The following PJA2 variants were observed in gnomAD, a reference collection of about 807,000 sequenced individuals.
The protein encoded by PJA2 is praja ring finger ubiquitin ligase 2, also known as E3 ubiquitin-protein ligase Praja-2.
A neutral mutation model predicts 69.3 loss-of-function variants in PJA2; 25 were observed. That is an observed-to-expected ratio of 0.36 (90% CI 0.26 to 0.50). The LOEUF (loss-of-function observed/expected upper bound fraction) is 0.50, where lower values mean the gene tolerates loss of function less well. Ranked by LOEUF, PJA2 falls within the 20% of genes least tolerant of loss-of-function variation. The pLI is 0.96. For synonymous variants in PJA2, 308 were observed against 277.8 expected (o/e 1.11, Z -1.08); for missense variants, 809 against 830.2 (o/e 0.97, Z 0.31).
intron 7 of PJA2, among the ~76,000 whole-genome samples, chr5:109,351,215 T>C (rs1762245262): frequency 6.6e-6 from 1 of 151,932 alleles, no homozygotes; most frequent in East Asian, 1.9e-4. Flanking sequence ...AATGCCATAA[T>C]AAACTCCTTC....
chr5:109,356,079 C>G, intron 6 of PJA2, 53 bp from the exon 7 acceptor site: 1 of 1,211,624 alleles, frequency 8.3e-7, no homozygotes, highest in Non-Finnish European at 1.2e-6. Flanking sequence ...TTTGGGAAAT[C>G]TTATGCTGAG....
chr5:109,342,584 C>T, intron 9 of PJA2, among the ~76,000 whole-genome samples: 1 of 97,450 alleles, frequency 1.0e-5, no homozygotes, highest in African/African-American at 4.4e-5. Context: ...GGCGCCTCTG[C>T]CCGGCCGCCC....
intron 1 of PJA2, among the ~76,000 whole-genome samples, chr5:109,402,763 A>G (rs1206758817): frequency 6.6e-6 from 1 of 152,170 alleles, no homozygotes; most frequent in Admixed American, 6.5e-5. Flanking sequence ...TGGTCATAAA[A>G]CAAATATCAA....
At position 109,340,698 on chromosome 5, in the gene PJA2, G is replaced by A. The variant is rs1370350099; in HGVS notation, c.2002-3342C>T. Among the ~76,000 whole-genome samples the A allele has an allele frequency of 6.1e-5, 3 of 48,884 alleles. 1 individual carries two copies. Among genetic ancestry groups the A allele is most frequent in the Non-Finnish European group, 1.4e-4 (3 of 22,100 alleles). The allele number at this position is 48,884 out of a possible 152,430, so 32.1% of individuals were successfully genotyped here. A position where few individuals can be genotyped will look rare whatever the true frequency, so the allele number is the denominator to read the frequency against. ...TCTCCCCACGGTCTCCCTCTCATGCGGAGCCGCAGCTGGACTGTACTGCTG... is the reference window on the plus strand; with the variant it reads ...TCTCCCCACGGTCTCCCTCTCATGCAGAGCCGCAGCTGGACTGTACTGCTG... On this transcript the variant is annotated intron_variant, in intron 9 of 9. Coordinates refer to ENST00000361189, the MANE Select transcript of PJA2 (RefSeq NM_014819.5).
chr5:109,360,366 A>G (rs1419548399), intron 6 of PJA2, among the ~76,000 whole-genome samples: 1 of 152,208 alleles, frequency 6.6e-6, no homozygotes, highest in Non-Finnish European at 1.5e-5. Context: ...CTTCAATGAA[A>G]ACAAGTAAAC....
chr5:109,387,936 T>G (rs1313218457), intron 1 of PJA2, among the ~76,000 whole-genome samples: 10 of 152,188 alleles, frequency 6.6e-5, no homozygotes, highest in Non-Finnish European at 1.3e-4. Context: ...CTGTGCTCCT[T>G]TCTCTGATGG....
chr5:109,346,175 ATTAC>A (rs1561341703), intron 7 of PJA2, among the ~76,000 whole-genome samples: 1 of 152,196 alleles, frequency 6.6e-6, no homozygotes, highest in Non-Finnish European at 1.5e-5. Flanking sequence ...CCGTTTAATT[ATTAC>A]TTGTTAGTAT....
At chr5:109,371,211 T>A (rs1037561575) in intron 4 of PJA2, among the ~76,000 whole-genome samples, 1 of 152,202 alleles carries the variant, frequency 6.6e-6, no homozygotes, top group African/African-American at 2.4e-5. Flanking sequence ...TAACCCTCAA[T>A]GCTAAGGAGA....
chr5:109,385,088 T>A (rs1747127789), intron 1 of PJA2, among the ~76,000 whole-genome samples: 1 of 152,224 alleles, frequency 6.6e-6, no homozygotes, highest in South Asian at 2.1e-4. Flanking sequence ...GTGCTGGGAT[T>A]ACAGGCATGA....
chr5:109,400,689 G>A (rs1747523179), intron 1 of PJA2, among the ~76,000 whole-genome samples: 1 of 151,968 alleles, frequency 6.6e-6, no homozygotes, highest in African/African-American at 2.4e-5. Context: ...TATAAAAAAC[G>A]AATGATATGG....
intron 1 of PJA2, among the ~76,000 whole-genome samples, chr5:109,400,489 G>C (rs1484066604): frequency 4.0e-4 from 60 of 150,170 alleles, no homozygotes; most frequent in East Asian, 6.0e-4. Flanking sequence ...CAGGGGGAGG[G>C]GGGGGAAGGG....
chr5:109,354,390 C>CTAGAGATATCTATAGATTAGATGTCTA (rs1762364539), intron 7 of PJA2, among the ~76,000 whole-genome samples: 1 of 74,898 alleles, frequency 1.3e-5, no homozygotes, highest in Non-Finnish European at 2.6e-5. Flanking sequence ...TTAGATATCT[C>CTAGAGATATCTATAGATTAGATGTCTA]TGATATCTAG....
At chr5:109,360,799 A>C (rs561266313) in intron 6 of PJA2, among the ~76,000 whole-genome samples, 1 of 152,350 alleles carries the variant, frequency 6.6e-6, no homozygotes, top group South Asian at 2.1e-4. Context: ...AGTGAATTAG[A>C]ACCTAAAGTA....
chr5:109,393,267 A>C (rs571815509), intron 1 of PJA2, among the ~76,000 whole-genome samples: 4 of 152,340 alleles, frequency 2.6e-5, no homozygotes, highest in African/African-American at 9.6e-5. Context: ...CTGAAGTCAT[A>C]AATTAGAACA....
At chr5:109,393,353 G>C (rs985788633) in intron 1 of PJA2, among the ~76,000 whole-genome samples, 1 of 152,180 alleles carries the variant, frequency 6.6e-6, no homozygotes, top group African/African-American at 2.4e-5. Context: ...TAAGCAACTG[G>C]ATGTTAGGCA....
intron 1 of PJA2, among the ~76,000 whole-genome samples, chr5:109,385,522 ATGAGT>A (rs1478552803): frequency 2.6e-5 from 4 of 152,202 alleles, no homozygotes; most frequent in African/African-American, 7.2e-5. Context: ...TCAGTTTTGG[ATGAGT>A]TAAGTTTGAG....
In PJA2 at chr5:109,336,053, G is replaced by A. The variant is rs1029227493; in HGVS notation, c.*1178C>T. The A allele has an allele frequency of 1.4e-4, 21 of 152,642 alleles. No homozygotes were observed. The East Asian group carries it at 2.1e-3, about 15-fold the overall frequency. 9.5% of individuals were successfully genotyped at this position (152,642 alleles called of 1,614,324 possible). A position where few individuals can be genotyped will look rare whatever the true frequency, so the allele number is the denominator to read the frequency against. On this transcript the variant is annotated 3_prime_UTR_variant, in exon 10 of 10. Transcript: ENST00000361189. Reference sequence around the variant, plus strand: ...GATATAAATACTCAGAGAAATACACGAATAAGATGTAACTCTGCATTTGGG... The same window carrying A: ...GATATAAATACTCAGAGAAATACACAAATAAGATGTAACTCTGCATTTGGG...
chr5:109,361,387 G>A, intron 6 of PJA2, among the ~76,000 whole-genome samples: 1 of 152,108 alleles, frequency 6.6e-6, no homozygotes, highest in African/African-American at 2.4e-5. Flanking sequence ...TGCCCCTATA[G>A]GAAGGAGCAT....
intron 1 of PJA2, among the ~76,000 whole-genome samples, chr5:109,405,962 G>A (rs2914712): frequency 0.55 from 82,672 of 150,580 alleles, 23,990 homozygotes; most frequent in Middle Eastern, 0.66. Context: ...GTGTGTGTGT[G>A]TTTATGTATC....
Sources: gnomAD v4.1 joint callset for allele counts (sites outside exome capture counted in the v4.1 genomes callset) on GRCh38, gnomAD v4.1.1 for gene constraint, MANE v1.5 for transcripts, NCBI Gene and HGNC (gene_info 2026-07-23, HGNC 2026-07-21) for gene names.